Variants in FER1L5 observed in about 807,000 individuals in gnomAD.
The protein encoded by FER1L5 is fer-1-like protein 5.
A neutral mutation model predicts 279.9 loss-of-function variants in FER1L5; 187 were observed. That is an observed-to-expected ratio of 0.67 (90% CI 0.59 to 0.75). The LOEUF (loss-of-function observed/expected upper bound fraction) is 0.75, where lower values mean the gene tolerates loss of function less well. FER1L5 is among the 30% of genes least tolerant of loss of function. FER1L5 has a pLI of 0.00. For synonymous variants in FER1L5, 921 were observed against 989.7 expected, an observed-to-expected ratio of 0.93 and a Z score of 1.30; for missense variants, 2,091 against 2,594.4, an observed-to-expected ratio of 0.81 and a Z score of 4.21.
At chr2:96,687,696 G>A in intron 23 of FER1L5, 120 bp from the exon 24 acceptor site, 2 of 1,437,424 alleles carry the variant, frequency 1.4e-6, no homozygotes, top group Admixed American at 2.2e-5. Flanking sequence ...ACTCAGCTCA[G>A]TGAGGGCCCC....
rs569496382 is a variant in FER1L5 at position 96,696,602 on chromosome 2, T to TA, written c.4083+534dup. ...AGCCACCATGCCCGGCCTTAAATCT[T>TA]AAAAAAAAATTTTTTTGGCTGGGTG... is the stretch of plus-strand genomic sequence containing the variant. On this transcript the variant is annotated intron_variant, in intron 37 of 52. Coordinates refer to ENST00000624922, the MANE Select transcript of FER1L5 (RefSeq NM_001293083.2). 4.9e-3 allele frequency among the ~76,000 whole-genome samples: 750 copies of TA among 151,618 alleles called. 6 individuals are homozygous for TA. In the Middle Eastern group the frequency reaches 0.075, roughly 15 times the overall value.
intron 9 of FER1L5, chr2:96,654,740 A>G (rs2075527890): frequency 4.4e-6 from 1 of 228,660 alleles, no homozygotes; most frequent in Admixed American, 5.7e-5. Flanking sequence ...TCTACTAGAA[A>G]TACAAAAAAT....
At chr2:96,700,842 T>C (rs180850584) in intron 45 of FER1L5, among the ~76,000 whole-genome samples, 1 of 152,306 alleles carries the variant, frequency 6.6e-6, no homozygotes, top group Non-Finnish European at 1.5e-5. Context: ...TGGCTGTTAA[T>C]TGTAGGCTGT....
intron 9 of FER1L5, among the ~76,000 whole-genome samples, chr2:96,659,253 A>G (rs2075725996): frequency 6.6e-6 from 1 of 150,720 alleles, no homozygotes; most frequent in African/African-American, 2.5e-5. Flanking sequence ...TTTCAAAAGC[A>G]GACTTTTTCA....
intron 19 of FER1L5, among the ~76,000 whole-genome samples, chr2:96,679,205 G>C (rs2076622031): frequency 6.6e-6 from 1 of 151,752 alleles, no homozygotes; most frequent in South Asian, 2.1e-4. Flanking sequence ...AAAATTAGCT[G>C]GGCATGGCGA....
intron 18 of FER1L5, among the ~76,000 whole-genome samples, chr2:96,671,324 A>G (rs780419896): frequency 9.2e-5 from 14 of 152,122 alleles, no homozygotes; most frequent in Non-Finnish European, 2.1e-4. Flanking sequence ...CAAGAGAAAC[A>G]GGAATACAGC....
chr2:96,702,208 A>G lies in FER1L5; in HGVS notation c.5160-98A>G, dbSNP rs1573978229. 1 of 1,566,592 alleles carries G rather than the reference A, an allele frequency of 6.4e-7. No individual in the cohort carries two copies. Among genetic ancestry groups the G allele is most frequent in the Non-Finnish European group, 8.6e-7 (1 of 1,156,272 alleles). ...TTCCCCTGAATTCCCCACACTGAGC[A>G]AAAACACACAGGGCAGCCTCCCAGG... is the stretch of plus-strand genomic sequence containing the variant. On this transcript the variant is annotated intron_variant, in intron 46 of 52. Coordinates refer to ENST00000624922, the MANE Select transcript of FER1L5 (RefSeq NM_001293083.2). This position sits in a 1 kb window ranked among gnomAD's most constrained non-coding sequence, Gnocchi z 4.0.
At chr2:96,700,689 T>C (rs1235544623) in intron 45 of FER1L5, among the ~76,000 whole-genome samples, 1 of 152,162 alleles carries the variant, frequency 6.6e-6, no homozygotes, top group Non-Finnish European at 1.5e-5. Flanking sequence ...GGAAAGGTCA[T>C]CTACAAGAAA....
At position 96,691,283 on chromosome 2, in the gene FER1L5, G is replaced by A. The variant is rs1239715743; in HGVS notation, c.2837G>A (p.Trp946Ter). 6 of 1,550,444 alleles carry A rather than the reference G, an allele frequency of 3.9e-6. No homozygotes were observed. Among genetic ancestry groups the A allele is most frequent in the Non-Finnish European group, 3.5e-6 (4 of 1,146,872 alleles). Residue 946 changes from tryptophan to a stop codon, truncating the protein, a stop_gained, in exon 28 of 53, where the codon TGG becomes TAG. Coordinates refer to ENST00000624922, the MANE Select transcript of FER1L5 (RefSeq NM_001293083.2). LOFTEE classifies it high-confidence loss of function. This position sits in a 1 kb window ranked among gnomAD's most constrained non-coding sequence, Gnocchi z 6.0. ...KTYHSCRRRR[W>*]ARVRFRNHGE... ...TACCACTCGTGCCGCCGCCGGCGCTGGGCGCGTGTGCGCTTCAGGAACCAT... is the reference window on the plus strand; with the variant it reads ...TACCACTCGTGCCGCCGCCGGCGCTAGGCGCGTGTGCGCTTCAGGAACCAT...
chr2:96,687,431 T>C (rs1261133126), intron 23 of FER1L5, among the ~76,000 whole-genome samples: 4 of 152,236 alleles, frequency 2.6e-5, no homozygotes, highest in African/African-American at 9.6e-5. Context: ...TGCTGCTCTG[T>C]AGAATGGGCC....
chr2:96,661,861 G>A, intron 12 of FER1L5, 70 bp downstream of exon 12: 21 of 1,536,722 alleles, frequency 1.4e-5, no homozygotes, highest in Non-Finnish European at 1.8e-5. Context: ...GGATCCTCAT[G>A]GAGTTTCCTC....
chr2:96,665,570 TC>T (rs1393199961), intron 14 of FER1L5, among the ~76,000 whole-genome samples: 1 of 152,006 alleles, frequency 6.6e-6, no homozygotes, highest in Non-Finnish European at 1.5e-5. Context: ...TGGGAAATCT[TC>T]TTTTTTCATC....
At position 96,689,757 on chromosome 2, in the gene FER1L5, T is replaced by C. The variant is rs2077069163; in HGVS notation, c.2639T>C (p.Val880Ala). ...CCTGCCGCCATCCCAAACACAGACG[T>C]GGTGAGCAGGGCCGAAGCTGCCTCG... ...WGPAAIPNTD[V>A]NGQPMEAREN... Residue 880 changes from valine to alanine, a missense_variant and splice_region_variant, in exon 26 of 53, where the codon GTG (valine) becomes GCG (alanine). Physicochemically the swap from Val to Ala is moderately conservative, Grantham distance 64. Transcript: ENST00000624922. This position sits in a 1 kb window ranked among gnomAD's most constrained non-coding sequence, Gnocchi z 4.6. 1.3e-6 allele frequency: 2 copies of C among 1,547,296 alleles called. No homozygotes were observed. Among genetic ancestry groups the C allele is most frequent in the Non-Finnish European group, 1.7e-6 (2 of 1,145,454 alleles).
At chr2:96,662,190 A>G (rs528623785) in intron 12 of FER1L5, 25 bp from the exon 13 acceptor site, 314 of 1,550,678 alleles carry the variant, frequency 2.0e-4, no homozygotes, top group Non-Finnish European at 2.7e-4. Flanking sequence ...GCTGGCTCAG[A>G]TATCTTTTAA....
chr2:96,692,238 G>A, intron 31 of FER1L5, 57 bp downstream of exon 31: 4 of 1,535,940 alleles, frequency 2.6e-6, no homozygotes, highest in Non-Finnish European at 3.5e-6. Context: ...GAGGAGAGCA[G>A]GGTTGTGTTC....
chr2:96,704,515 T>A lies in FER1L5; in HGVS notation c.5997T>A (p.Pro1999=), dbSNP rs766326290. 2.5e-6 allele frequency: 4 copies of A among 1,613,862 alleles called. No individual in the cohort carries two copies. The South Asian group carries it at 4.4e-5, about 18-fold the overall frequency. The change falls in exon 53 of 53, where the codon CCT becomes CCA. Residue 1999 remains proline (P), a synonymous_variant. Coordinates refer to ENST00000624922, the MANE Select transcript of FER1L5 (RefSeq NM_001293083.2). ...TCAAACCTCAACTTCAGCTGTATCC[T>A]CCCATTAAAATATTCAATATCATCA... ...SWIKPQLQLY[P]PIKIFNIINS... is the part of the protein sequence containing the mutation.
chr2:96,647,939 C>G, intron 4 of FER1L5, 53 bp downstream of exon 4: 1 of 1,406,766 alleles, frequency 7.1e-7, no homozygotes, highest in Non-Finnish European at 9.8e-7. Flanking sequence ...ATGAGGGGAG[C>G]TGGTGAAGCG....
chr2:96,660,828 A>C (rs779154865), intron 10 of FER1L5, among the ~76,000 whole-genome samples: 3 of 152,262 alleles, frequency 2.0e-5, no homozygotes, highest in Non-Finnish European at 4.4e-5. Context: ...TGCTGGGATT[A>C]TAGGCATGAG....
Position 96,689,258 on chromosome 2 carries a change from C to A in FER1L5, c.2407C>A (p.Leu803Met). The A allele has an allele frequency of 6.4e-7, 1 of 1,550,638 alleles. No homozygotes were observed. Among genetic ancestry groups the A allele is most frequent in the African/African-American group, 1.4e-5 (1 of 73,128 alleles). ...KYKDQWGQQG[L>M]YHCPNFSDVM... The stretch of plus-strand genomic sequence containing the variant: ...TAAAGACCAGTGGGGGCAGCAGGGG[C>A]TGTATCACTGCCCCAACTTCTCGGA... The change falls in exon 25 of 53, where the codon CTG (leucine) becomes ATG (methionine). Residue 803 changes from leucine (L) to methionine (M), a missense_variant. Coordinates refer to ENST00000624922, the MANE Select transcript of FER1L5 (RefSeq NM_001293083.2). The surrounding 1 kb of genome is among the most constrained non-coding windows in gnomAD (Gnocchi z 4.6).
Sources: allele counts gnomAD v4.1 joint callset (sites outside exome capture counted in the v4.1 genomes callset), GRCh38; gene constraint gnomAD v4.1.1; non-coding constraint Gnocchi (gnomAD v3.1); transcripts MANE v1.5; gene names NCBI Gene and HGNC (gene_info 2026-07-23, HGNC 2026-07-21).